The following MEIS1 variants were observed in gnomAD, a reference collection of about 807,000 sequenced individuals.
MEIS1 encodes homeobox protein Meis1.
A neutral mutation model predicts 50.8 loss-of-function variants in MEIS1; 5 were observed. The ratio of observed to expected loss-of-function variants is 0.10; its 90% CI spans 0.05 to 0.21. MEIS1 has a LOEUF of 0.21. Among genes scored for constraint, MEIS1 ranks in the 10% least tolerant of loss-of-function variants. The pLI is 1.00. For synonymous variants in MEIS1, 176 were observed against 179.3 expected, an observed-to-expected ratio of 0.98 and a Z score of 0.15; for missense variants, 318 against 517.3, an observed-to-expected ratio of 0.61 and a Z score of 3.74.
intron 7 of MEIS1, among the ~76,000 whole-genome samples, chr2:66,501,105 A>T (rs1673543699): frequency 6.6e-6 from 1 of 152,190 alleles, no homozygotes; most frequent in Admixed American, 6.5e-5. Context: ...GAGCATTTAT[A>T]TGTATTTTGG....
At position 66,439,656 on chromosome 2, in the gene MEIS1, C is replaced by T. The variant is rs1671900121; in HGVS notation, c.240-187C>T. 3.9e-6 allele frequency: 6 copies of T among 1,538,464 alleles called. No individual in the cohort carries two copies. In the East Asian group the frequency reaches 1.5e-4, roughly 38 times the overall value. On this transcript the variant is annotated intron_variant, in intron 2 of 12. Coordinates refer to ENST00000272369, the MANE Select transcript of MEIS1 (RefSeq NM_002398.3). Reference sequence around the variant, plus strand: ...GCTCAGGGCCTCCGACTTCAGGGCTCCAGGAGGAAGGGGAGGTGAGCGGTC... The same window carrying T: ...GCTCAGGGCCTCCGACTTCAGGGCTTCAGGAGGAAGGGGAGGTGAGCGGTC...
At chr2:66,464,051 C>CT (rs1440152296) in intron 6 of MEIS1, 58 bp from the exon 7 acceptor site, 1 of 1,266,360 alleles carries the variant, frequency 7.9e-7, no homozygotes, top group Non-Finnish European at 1.1e-6. Flanking sequence ...CCATGGGATC[C>CT]TACCAATAAG....
chr2:66,436,343 C>G (rs938821562), intron 1 of MEIS1, among the ~76,000 whole-genome samples: 2 of 152,266 alleles, frequency 1.3e-5, no homozygotes, highest in South Asian at 4.1e-4. Context: ...AGAAAACATT[C>G]ATCTTTTTAT....
At chr2:66,436,076 C>T (rs905375239) in intron 1 of MEIS1, among the ~76,000 whole-genome samples, 6 of 151,870 alleles carry the variant, frequency 4.0e-5, no homozygotes, top group African/African-American at 1.5e-4. Flanking sequence ...ATCTATTTAT[C>T]TATAGATTCC....
chr2:66,492,958 A>G (rs78677611), intron 7 of MEIS1, among the ~76,000 whole-genome samples: 3,649 of 152,316 alleles, frequency 0.024, 153 homozygotes, highest in African/African-American at 0.082. Context: ...CCACACAGGT[A>G]GACCTCCTAC....
chr2:66,494,428 A>G lies in MEIS1; in HGVS notation c.743-17721A>G, dbSNP rs531608614. On this transcript the variant is annotated intron_variant, in intron 7 of 12. Transcript: ENST00000272369. The stretch of plus-strand genomic sequence containing the variant: ...TTCCCACAAACCACTGTATTACTCT[A>G]AAGAAATTTATTATCTCAATCTGCT... 3.4e-4 allele frequency among the ~76,000 whole-genome samples: 52 copies of G among 152,340 alleles called. No homozygotes were observed. The South Asian group carries it at 6.4e-3, about 19-fold the overall frequency.
At position 66,547,593 on chromosome 2, in the gene MEIS1, A is replaced by G. The variant is rs192301870; in HGVS notation, c.889-350A>G. Among the ~76,000 whole-genome samples the G allele has an allele frequency of 2.2e-3, 341 of 152,324 alleles. 1 individual carries two copies. Among genetic ancestry groups the G allele is most frequent in the Non-Finnish European group, 3.4e-3 (234 of 68,030 alleles). The stretch of plus-strand genomic sequence containing the variant: ...TATGGTTCAATGAATATATTAAGTT[A>G]GGGCAGTATACTTTTAGGTGGTAAC... On this transcript the variant is annotated intron_variant, in intron 8 of 12. Coordinates refer to ENST00000272369, the MANE Select transcript of MEIS1 (RefSeq NM_002398.3).
chr2:66,441,140 AGTGGG>A, intron 4 of MEIS1: 1 of 436,686 alleles, frequency 2.3e-6, no homozygotes. Flanking sequence ...GGGTGGGGCC[AGTGGG>A]ACTGAGAAAG....
chr2:66,531,174 C>G (rs1432408912), intron 8 of MEIS1, among the ~76,000 whole-genome samples: 1 of 152,204 alleles, frequency 6.6e-6, no homozygotes, highest in Non-Finnish European at 1.5e-5. Context: ...GAACAGACTA[C>G]TTTAGCTTCA....
At chr2:66,490,734 G>A (rs1366166868) in intron 7 of MEIS1, among the ~76,000 whole-genome samples, 1 of 152,040 alleles carries the variant, frequency 6.6e-6, no homozygotes, top group Non-Finnish European at 1.5e-5. Flanking sequence ...TAAAATAAAA[G>A]CCCTGGCAAG....
chr2:66,478,280 G>A (rs1672939436), intron 7 of MEIS1, among the ~76,000 whole-genome samples: 1 of 152,098 alleles, frequency 6.6e-6, no homozygotes. Context: ...AGAAGTGGAA[G>A]CATTGCTTTT....
chr2:66,527,591 AGTGTGT>A (rs71409176), intron 8 of MEIS1, among the ~76,000 whole-genome samples: 18,613 of 124,350 alleles, frequency 0.15, 1,156 homozygotes, highest in Middle Eastern at 0.21. Context: ...AGTAAAAGCA[AGTGTGT>A]GTGTGTGTGT....
At chr2:66,445,986 C>G (rs1042305053) in intron 6 of MEIS1, among the ~76,000 whole-genome samples, 4 of 152,130 alleles carry the variant, frequency 2.6e-5, no homozygotes, top group Admixed American at 2.0e-4. Flanking sequence ...CCTGGGCGCC[C>G]TCTCCTGACC....
intron 7 of MEIS1, among the ~76,000 whole-genome samples, chr2:66,486,301 C>T (rs1187898746): frequency 6.6e-6 from 1 of 152,188 alleles, no homozygotes; most frequent in African/African-American, 2.4e-5. Context: ...GATCCAGTTT[C>T]AGTTTTCTGC....
At chr2:66,441,608 T>C (rs1248810877) in intron 5 of MEIS1, 144 bp downstream of exon 5, 5 of 656,362 alleles carry the variant, frequency 7.6e-6, no homozygotes, top group Non-Finnish European at 1.2e-5. Flanking sequence ...AGGCCAATCT[T>C]AGCGTCCATT....
rs540479026 is a variant in MEIS1, at chr2:66,464,071, A to T, written c.631-38A>T. The T allele has an allele frequency of 7.6e-6, 11 of 1,443,852 alleles. No individual in the cohort carries two copies. In the South Asian group the frequency reaches 1.2e-4, roughly 16 times the overall value. 89.4% of individuals were successfully genotyped at this position (1,443,852 alleles called of 1,614,324 possible). A position where few individuals can be genotyped will look rare whatever the true frequency, so the allele number is the denominator to read the frequency against. ...GGATCCTACCAATAAGGGTTCACAG[A>T]TGCCTCTTATTTGGGTTTCTGATTT... On this transcript the variant is annotated intron_variant, in intron 6 of 12. Coordinates refer to ENST00000272369, the MANE Select transcript of MEIS1 (RefSeq NM_002398.3).
intron 7 of MEIS1, among the ~76,000 whole-genome samples, chr2:66,465,478 CGTTGCTGTTCAGAGTGCTATA>C (rs1672612079): frequency 6.6e-6 from 1 of 152,008 alleles, no homozygotes; most frequent in African/African-American, 2.4e-5. Context: ...TGTGTTATGG[CGTTGCTGTTCAGAGTGCTATA>C]GTTAAGGTGG....
At chr2:66,520,449 C>T (rs1674088550) in intron 8 of MEIS1, among the ~76,000 whole-genome samples, 1 of 151,654 alleles carries the variant, frequency 6.6e-6, no homozygotes, top group Non-Finnish European at 1.5e-5. Flanking sequence ...CTACTGCACT[C>T]CAGCCTGGGT....
At chr2:66,438,642 T>C (rs7557522) in intron 2 of MEIS1, among the ~76,000 whole-genome samples, 8,079 of 152,264 alleles carry the variant, frequency 0.053, 374 homozygotes, top group African/African-American at 0.12. Context: ...TCGGAGGTTG[T>C]TTTCTGGCTG....
Sources: allele counts gnomAD v4.1 joint callset (sites outside exome capture counted in the v4.1 genomes callset), GRCh38; gene constraint gnomAD v4.1.1; transcripts MANE v1.5; gene names NCBI Gene and HGNC (gene_info 2026-07-23, HGNC 2026-07-21).